Variants in STARD10 observed in about 807,000 individuals in gnomAD.
STARD10 encodes the protein StAR related lipid transfer domain containing 10, also known as START domain-containing protein 10.
STARD10 carries 24 observed loss-of-function variants against 36.0 expected under a neutral mutation model. The ratio of observed to expected loss-of-function variants is 0.67; its 90% CI spans 0.48 to 0.94. The LOEUF is 0.94. STARD10 is among the 40% of genes least tolerant of loss of function. STARD10 has a pLI of 0.00. For synonymous variants in STARD10, 156 were observed against 161.9 expected (o/e 0.96, Z 0.28); for missense variants, 335 against 396.6 (o/e 0.84, Z 1.32).
intron 2 of STARD10, among the ~76,000 whole-genome samples, chr11:72,777,172 C>A (rs1858938591): frequency 6.6e-6 from 1 of 152,384 alleles, no homozygotes; most frequent in Non-Finnish European, 1.5e-5. Flanking sequence ...GGTCTGAAGA[C>A]CTCTGAGGAG....
At chr11:72,770,295 T>G (rs1488816994) in intron 2 of STARD10, among the ~76,000 whole-genome samples, 1 of 152,228 alleles carries the variant, frequency 6.6e-6, no homozygotes, top group Non-Finnish European at 1.5e-5. Context: ...CTTGGCTCAC[T>G]GCAACCTCTG....
At chr11:72,761,905 T>C (rs1459438036) in intron 2 of STARD10, among the ~76,000 whole-genome samples, 2 of 142,820 alleles carry the variant, frequency 1.4e-5, no homozygotes, top group Non-Finnish European at 1.5e-5. Context: ...GTATTTCTTT[T>C]TCTTTTCTTT....
intron 1 of STARD10, among the ~76,000 whole-genome samples, chr11:72,787,540 G>A (rs189866984): frequency 6.6e-6 from 1 of 152,292 alleles, no homozygotes; most frequent in Admixed American, 6.5e-5. Context: ...AGGGTTCCCA[G>A]GCCCAGATGG....
chr11:72,760,605 A>G (rs1201161962), intron 2 of STARD10, among the ~76,000 whole-genome samples: 1 of 152,164 alleles, frequency 6.6e-6, no homozygotes, highest in Non-Finnish European at 1.5e-5. Context: ...ACCTTGTTTT[A>G]TTTAACCCCC....
At position 72,754,754 on chromosome 11, in the gene STARD10, G is replaced by T; in HGVS notation, c.*143C>A. On this transcript the variant is annotated 3_prime_UTR_variant, in exon 7 of 7. Coordinates refer to ENST00000334805, the MANE Select transcript of STARD10 (RefSeq NM_006645.3). ...TGAGGCTGTGGGATCGTTTATTGGG[G>T]CTCTGTCCAGCCAGGCTGCAGCACC... 1 of 1,262,330 alleles carries T rather than the reference G, an allele frequency of 7.9e-7. No homozygotes were observed. Among genetic ancestry groups the T allele is most frequent in the Non-Finnish European group, 1.1e-6 (1 of 903,562 alleles). The allele number at this position is 1,262,330 out of a possible 1,614,324, so 78.2% of individuals were successfully genotyped here.
intron 1 of STARD10, among the ~76,000 whole-genome samples, chr11:72,786,212 C>T (rs1018227184): frequency 1.3e-5 from 2 of 152,116 alleles, no homozygotes; most frequent in Non-Finnish European, 2.9e-5. Flanking sequence ...ATTAGCTGGG[C>T]GTGGTGGTGC....
chr11:72,770,904 AC>A (rs1400667539), intron 2 of STARD10, among the ~76,000 whole-genome samples: 1 of 152,200 alleles, frequency 6.6e-6, no homozygotes, highest in Non-Finnish European at 1.5e-5. Context: ...CCACAAGGTA[AC>A]CCAGGTGAAC....
At chr11:72,792,347 G>T (rs949440402) in intron 1 of STARD10, among the ~76,000 whole-genome samples, 25 of 152,046 alleles carry the variant, frequency 1.6e-4, no homozygotes, top group South Asian at 2.1e-4. Context: ...GAGCCACCGT[G>T]CCTGGCCTAT....
intron 2 of STARD10, among the ~76,000 whole-genome samples, chr11:72,759,840 C>T (rs1414562577): frequency 2.6e-5 from 4 of 152,194 alleles, no homozygotes; most frequent in Non-Finnish European, 4.4e-5. Context: ...GTACTTATCA[C>T]GCGGCCATAC....
rs984127889 is a variant in STARD10 at position 72,793,610 on chromosome 11, G to T, written c.-849C>A. On this transcript the variant is annotated 5_prime_UTR_variant, in exon 1 of 7. Transcript: ENST00000334805. ...CATTCCTTGTGAATCATAAAAGAAA[G>T]GACCACAGAACGATGACTGGACCGT... The T allele has an allele frequency of 2.0e-5, 3 of 152,258 alleles. No individual in the cohort carries two copies. The highest frequency in any genetic ancestry group is 2.0e-4 in the Admixed American group (3 of 15,288). The allele number at this position is 152,258 out of a possible 1,614,324, so 9.4% of individuals were successfully genotyped here.
chr11:72,786,418 G>A (rs189831428), intron 1 of STARD10, among the ~76,000 whole-genome samples: 6 of 152,194 alleles, frequency 3.9e-5, no homozygotes, highest in Admixed American at 2.0e-4. Flanking sequence ...GGGCTGGCTC[G>A]GCCTTGAGAG....
At chr11:72,782,225 C>T (rs1275176702) in intron 1 of STARD10, 1 of 152,516 alleles carries the variant, frequency 6.6e-6, no homozygotes, top group Non-Finnish European at 1.5e-5. Context: ...CCCAGAGATC[C>T]AAAGATGGGC....
intron 5 of STARD10, among the ~76,000 whole-genome samples, chr11:72,756,474 A>C (rs1858645848): frequency 6.6e-6 from 1 of 152,098 alleles, no homozygotes; most frequent in African/African-American, 2.4e-5. Context: ...TGGGGGCCCA[A>C]CAGGAGCCGA....
intron 1 of STARD10, among the ~76,000 whole-genome samples, chr11:72,791,274 T>TA (rs1346996765): frequency 1.3e-5 from 2 of 152,140 alleles, no homozygotes; most frequent in African/African-American, 4.8e-5. Context: ...TTCTATTTGC[T>TA]ACCCCAAGGT....
At chr11:72,758,986 G>A (rs932709840) in intron 3 of STARD10, among the ~76,000 whole-genome samples, 2 of 152,260 alleles carry the variant, frequency 1.3e-5, no homozygotes, top group Non-Finnish European at 2.9e-5. Flanking sequence ...CTGTGTGCCT[G>A]ATTGAGTGTA....
At chr11:72,772,785 T>A (rs1397759738) in intron 2 of STARD10, among the ~76,000 whole-genome samples, 1 of 152,198 alleles carries the variant, frequency 6.6e-6, no homozygotes, top group East Asian at 1.9e-4. Flanking sequence ...CAGGGGAGCC[T>A]ACCTCCCTGA....
chr11:72,787,582 G>A (rs924605651), intron 1 of STARD10, among the ~76,000 whole-genome samples: 6 of 152,372 alleles, frequency 3.9e-5, no homozygotes, highest in South Asian at 2.1e-4. Context: ...GGGTCCTCCC[G>A]CTGTCGATGT....
intron 2 of STARD10, among the ~76,000 whole-genome samples, chr11:72,761,490 C>T (rs1157362733): frequency 6.6e-6 from 1 of 152,144 alleles, no homozygotes; most frequent in East Asian, 1.9e-4. Context: ...GGCGCGGTGG[C>T]TCATACCTGT....
intron 2 of STARD10, among the ~76,000 whole-genome samples, chr11:72,761,743 TA>T (rs1218018752): frequency 6.6e-6 from 1 of 150,702 alleles, no homozygotes; most frequent in East Asian, 1.9e-4. Flanking sequence ...GACTCCATCT[TA>T]AAAAACAAAC....
Sources: gnomAD v4.1 joint callset for allele counts (sites outside exome capture counted in the v4.1 genomes callset) on GRCh38, gnomAD v4.1.1 for gene constraint, MANE v1.5 for transcripts, NCBI Gene and HGNC (gene_info 2026-07-23, HGNC 2026-07-21) for gene names.